The following CBLN2 variants were observed in gnomAD, a reference collection of about 807,000 sequenced individuals.
CBLN2 encodes the protein cerebellin-2.
In CBLN2, 7 loss-of-function variants were observed where a neutral mutation model predicts 15.0. The observed-to-expected ratio is 0.47, with a 90% CI of 0.27 to 0.88. The LOEUF (loss-of-function observed/expected upper bound fraction) is 0.88, where lower values mean the gene tolerates loss of function less well. CBLN2 is among the 40% of genes least tolerant of loss of function. The pLI is 0.14. For missense variants in CBLN2, 242 were observed against 304.5 expected, an observed-to-expected ratio of 0.79 and a Z score of 1.53; for synonymous variants, 149 against 135.2, an observed-to-expected ratio of 1.10 and a Z score of -0.71.
intron 1 of CBLN2, among the ~76,000 whole-genome samples, chr18:72,570,756 G>A (rs1314747086): frequency 6.6e-5 from 10 of 152,136 alleles, no homozygotes; most frequent in African/African-American, 2.4e-4. Context: ...CAGAAAAGGA[G>A]ATAGGTTTCC....
At chr18:72,582,407 A>G (rs956678438) in intron 1 of CBLN2, among the ~76,000 whole-genome samples, 18 of 152,306 alleles carry the variant, frequency 1.2e-4, no homozygotes, top group African/African-American at 3.1e-4. Context: ...CTATCACTCA[A>G]GCTGCCCCAT....
rs1343730747 is a variant in CBLN2, at chr18:72,613,458, A to G, written c.15+24867T>C. ...TTTCACAATTTATTTTTAAATTATT[A>G]TTAGTAATAGGTATCTTTTTTTCTT... On this transcript the variant is annotated intron_variant, in intron 1 of 2. Coordinates refer to the CBLN2 transcript ENST00000581073. 6.6e-5 allele frequency among the ~76,000 whole-genome samples: 10 copies of G among 151,696 alleles called. 1 individual carries two copies. The highest frequency in any genetic ancestry group is 2.4e-4 in the African/African-American group (10 of 41,520).
rs1403154247 is a variant in CBLN2 at position 72,562,474 on chromosome 18, C to T, written c.16-23702G>A. ...CAGAGGTAAGATATGGTCCAAATGA[C>T]CCATTTAAGTATGATTTCTCAGTAT... is the stretch of plus-strand genomic sequence containing the variant. On this transcript the variant is annotated intron_variant, in intron 1 of 2. Transcript: ENST00000581073. Among the ~76,000 whole-genome samples, 3 of 152,086 alleles carry T rather than the reference C, an allele frequency of 2.0e-5. No homozygotes were observed. The East Asian group carries it at 5.8e-4, about 29-fold the overall frequency.
intron 1 of CBLN2, among the ~76,000 whole-genome samples, chr18:72,575,431 A>G (rs2144911457): frequency 6.6e-6 from 1 of 152,310 alleles, no homozygotes; most frequent in South Asian, 2.1e-4. Context: ...GGGGATATGC[A>G]TATGACAACA....
At chr18:72,561,861 C>T (rs527327095) in intron 1 of CBLN2, among the ~76,000 whole-genome samples, 5 of 152,152 alleles carry the variant, frequency 3.3e-5, no homozygotes, top group Non-Finnish European at 5.9e-5. Context: ...GCTCTGGAGG[C>T]TCATGTGAAT....
chr18:72,550,394 A>G (rs2069184540), intron 1 of CBLN2, among the ~76,000 whole-genome samples: 1 of 152,236 alleles, frequency 6.6e-6, no homozygotes, highest in Non-Finnish European at 1.5e-5. Context: ...GAAAAACCTC[A>G]ATGAATCAAA....
chr18:72,616,323 TGC>T (rs2069661880), intron 1 of CBLN2, among the ~76,000 whole-genome samples: 1 of 152,236 alleles, frequency 6.6e-6, no homozygotes, highest in African/African-American at 2.4e-5. Flanking sequence ...CTACTACCGT[TGC>T]CTGAAGAAAA....
In CBLN2 at chr18:72,618,489, A is replaced by T. The variant is rs1599025843; in HGVS notation, c.15+19836T>A. The T allele has an allele frequency of 4.5e-6, 3 of 671,900 alleles. No individual in the cohort carries two copies. In the East Asian group the frequency reaches 9.0e-5, roughly 20 times the overall value. The allele number at this position is 671,900 out of a possible 1,614,324, so 41.6% of individuals were successfully genotyped here. A position where few individuals can be genotyped will look rare whatever the true frequency, so the allele number is the denominator to read the frequency against. ...GGAGGTGGATGCAGCCATGAATGCA[A>T]GGTCACACAAGGTGGATGCAAGAGT... is the stretch of plus-strand genomic sequence containing the variant. On this transcript the variant is annotated intron_variant, in intron 1 of 2. Coordinates refer to the CBLN2 transcript ENST00000581073.
chr18:72,601,519 T>C lies in CBLN2; in HGVS notation c.15+36806A>G, dbSNP rs369941851. Among the ~76,000 whole-genome samples the C allele has an allele frequency of 2.6e-5, 4 of 152,152 alleles. No individual in the cohort carries two copies. The East Asian group carries it at 5.8e-4, about 22-fold the overall frequency. On this transcript the variant is annotated intron_variant, in intron 1 of 2. Coordinates refer to the CBLN2 transcript ENST00000581073. ...CAGAGGAGAAGGTTTCCCACGTAAA[T>C]AAAGGAGTGGAGGCGCCTGTTAGCC...
intron 1 of CBLN2, among the ~76,000 whole-genome samples, chr18:72,563,025 AGT>A (rs1395538543): frequency 6.6e-6 from 1 of 152,250 alleles, no homozygotes; most frequent in East Asian, 1.9e-4. Context: ...TATTTAGAGA[AGT>A]CTCTCATTAA....
At chr18:72,549,303 T>A (rs1426968263), upstream of CBLN2, among the ~76,000 whole-genome samples, 2 of 152,228 alleles carry the variant, frequency 1.3e-5, no homozygotes, top group Admixed American at 6.5e-5. Context: ...TGAGCCAACG[T>A]GGCCAGCAAC....
chr18:72,549,356 T>C (rs557606154), intron 1 of CBLN2, among the ~76,000 whole-genome samples: 83 of 152,374 alleles, frequency 5.4e-4, no homozygotes, highest in Middle Eastern at 3.4e-3. Flanking sequence ...TGCTGGTCTA[T>C]AGGCCACACA....
intron 1 of CBLN2, among the ~76,000 whole-genome samples, chr18:72,613,331 G>C (rs1021022776): frequency 1.2e-4 from 18 of 152,204 alleles, no homozygotes; most frequent in African/African-American, 3.9e-4. Flanking sequence ...CAGACCAGTG[G>C]GTTTCACATT....
At chr18:72,635,669 G>A (rs997605604) in intron 1 of CBLN2, among the ~76,000 whole-genome samples, 6 of 151,978 alleles carry the variant, frequency 3.9e-5, no homozygotes, top group African/African-American at 1.4e-4. Flanking sequence ...TAGAGAGTTT[G>A]AAAACAACAA....
At position 72,570,623 on chromosome 18, in the gene CBLN2, C is replaced by T. The variant is rs72634445; in HGVS notation, c.16-31851G>A. On this transcript the variant is annotated intron_variant, in intron 1 of 2. Transcript: ENST00000581073. ...ATTTTTTTTTCCATAAAGCACCTCA[C>T]AGCCTTCTTGTGCTTGGGAAGACTA... is the stretch of plus-strand genomic sequence containing the variant. Among the ~76,000 whole-genome samples, 7,078 of 152,026 alleles carry T rather than the reference C, an allele frequency of 0.047. 795 individuals carry two copies. The East Asian group carries it at 0.5, about 11-fold the overall frequency.
chr18:72,630,356 C>T (rs997425437), intron 1 of CBLN2, among the ~76,000 whole-genome samples: 9 of 152,106 alleles, frequency 5.9e-5, no homozygotes. Context: ...TGATATGTCA[C>T]TTGTCTATCT....
chr18:72,622,054 T>C (rs372184499), intron 1 of CBLN2, among the ~76,000 whole-genome samples: 1 of 152,184 alleles, frequency 6.6e-6, no homozygotes. Context: ...TTTATAGATA[T>C]ATAGGAAGAC....
chr18:72,626,569 G>A (rs532242581), intron 1 of CBLN2, among the ~76,000 whole-genome samples: 1 of 151,952 alleles, frequency 6.6e-6, no homozygotes, highest in Non-Finnish European at 1.5e-5. Context: ...GCGTGGTGGC[G>A]GGCGCCTGTA....
rs182426847 is a variant in CBLN2, at chr18:72,617,581, G to A, written c.15+20744C>T. Among the ~76,000 whole-genome samples, 559 of 152,264 alleles carry A rather than the reference G, an allele frequency of 3.7e-3. 2 individuals are homozygous for A. The highest frequency in any genetic ancestry group is 6.5e-3 in the Admixed American group (99 of 15,292). ...CTTTAATTACTAAACATAATTTTAA[G>A]TATGTAGACATTTTGCCTCGCATGT... On this transcript the variant is annotated intron_variant, in intron 1 of 2. Transcript: ENST00000581073.
Sources: allele counts gnomAD v4.1 joint callset (sites outside exome capture counted in the v4.1 genomes callset), GRCh38; gene constraint gnomAD v4.1.1; transcripts MANE v1.5; gene names NCBI Gene and HGNC (gene_info 2026-07-23, HGNC 2026-07-21).